Variants in ADARB1 observed in about 807,000 individuals in gnomAD.
The protein encoded by ADARB1 is adenosine deaminase RNA specific B1.
A neutral mutation model predicts 52.4 loss-of-function variants in ADARB1; 10 were observed. The ratio of observed to expected loss-of-function variants is 0.19; its 90% CI spans 0.12 to 0.32. The LOEUF is 0.32. Among genes scored for constraint, ADARB1 ranks in the 10% least tolerant of loss-of-function variants. ADARB1 has a pLI of 1.00. For missense variants in ADARB1, 643 were observed against 922.3 expected, an observed-to-expected ratio of 0.70 and a Z score of 3.92; for synonymous variants, 349 against 371.1, an observed-to-expected ratio of 0.94 and a Z score of 0.68.
At chr21:45,201,469 A>G (rs185029293) in intron 8 of ADARB1, among the ~76,000 whole-genome samples, 68 of 152,368 alleles carry the variant, frequency 4.5e-4, no homozygotes, top group Non-Finnish European at 7.8e-4. Flanking sequence ...CTGAGTCCAT[A>G]GAGGCTTCTA....
At chr21:45,139,420 A>AT (rs1348133554) in intron 2 of ADARB1, among the ~76,000 whole-genome samples, 2 of 151,692 alleles carry the variant, frequency 1.3e-5, no homozygotes, top group African/African-American at 2.4e-5. Context: ...GATTTCCTTG[A>AT]TTTTTTTGGT....
intron 9 of ADARB1, among the ~76,000 whole-genome samples, chr21:45,205,450 G>A (rs1235401233): frequency 6.6e-6 from 1 of 152,140 alleles, no homozygotes; most frequent in Admixed American, 6.5e-5. Flanking sequence ...CCAGGTCTCC[G>A]GGACGTTTAC....
chr21:45,167,902 A>C (rs1428483034), intron 2 of ADARB1, among the ~76,000 whole-genome samples: 2 of 152,172 alleles, frequency 1.3e-5, no homozygotes, highest in Non-Finnish European at 2.9e-5. Flanking sequence ...ATTTTTAAGA[A>C]ACTGCCAAAC....
chr21:45,129,903 G>C (rs528409231), intron 2 of ADARB1, among the ~76,000 whole-genome samples: 1 of 152,196 alleles, frequency 6.6e-6, no homozygotes, highest in Non-Finnish European at 1.5e-5. Context: ...TCAGGTAACT[G>C]GTTCCCTAGC....
chr21:45,146,782 G>A (rs535874312), intron 2 of ADARB1, among the ~76,000 whole-genome samples: 16 of 152,294 alleles, frequency 1.1e-4, no homozygotes, highest in African/African-American at 3.6e-4. Context: ...AAAGAATCCA[G>A]AGCTCAGACA....
intron 8 of ADARB1, among the ~76,000 whole-genome samples, chr21:45,202,572 T>C (rs1601943517): frequency 6.6e-6 from 1 of 152,114 alleles, no homozygotes. Flanking sequence ...TGGAGGCTGG[T>C]TCCAGTCTGG....
At chr21:45,162,843 C>G (rs2091047331) in intron 2 of ADARB1, among the ~76,000 whole-genome samples, 1 of 152,056 alleles carries the variant, frequency 6.6e-6, no homozygotes, top group African/African-American at 2.4e-5. Context: ...GCTCAAAGGC[C>G]TGAAACAGGC....
At chr21:45,210,490 T>G (rs1284277305) in intron 9 of ADARB1, among the ~76,000 whole-genome samples, 1 of 152,164 alleles carries the variant, frequency 6.6e-6, no homozygotes, top group Non-Finnish European at 1.5e-5. Flanking sequence ...CTTTTGAAGG[T>G]TTTTAAAAAT....
At chr21:45,123,494 G>A (rs540908348) in intron 1 of ADARB1, among the ~76,000 whole-genome samples, 83 of 152,246 alleles carry the variant, frequency 5.5e-4, no homozygotes, top group African/African-American at 2.0e-3. Flanking sequence ...TTATAGAGAT[G>A]GTGTCTCCCT....
At position 45,176,748 on chromosome 21, in the gene ADARB1, T is replaced by C; in HGVS notation, c.963+84T>C. On this transcript the variant is annotated intron_variant, in intron 4 of 10. Transcript: ENST00000348831. This position sits in a 1 kb window ranked among gnomAD's most constrained non-coding sequence, Gnocchi z 5.8. The stretch of plus-strand genomic sequence containing the variant: ...GACAGCATTTTAGTTTCAGGATTAC[T>C]GTTGACTTTCCACCTTGACATCACT... The C allele has an allele frequency of 7.2e-7, 1 of 1,391,068 alleles. No individual in the cohort carries two copies. Among genetic ancestry groups the C allele is most frequent in the Non-Finnish European group, 9.7e-7 (1 of 1,030,778 alleles). 86.2% of individuals were successfully genotyped at this position (1,391,068 alleles called of 1,614,324 possible). A position where few individuals can be genotyped will look rare whatever the true frequency, so the allele number is the denominator to read the frequency against.
intron 2 of ADARB1, among the ~76,000 whole-genome samples, chr21:45,166,202 T>G (rs2091249633): frequency 6.6e-6 from 1 of 152,230 alleles, no homozygotes; most frequent in Non-Finnish European, 1.5e-5. Flanking sequence ...TATATTTATA[T>G]ATATTGTTTA....
chr21:45,126,477 T>C (rs73230680), intron 1 of ADARB1, among the ~76,000 whole-genome samples: 2,793 of 152,294 alleles, frequency 0.018, 35 homozygotes, highest in South Asian at 0.053. Context: ...GCCCCTACTG[T>C]GATCTTAGTC....
rs1441994927 is a variant in ADARB1, at chr21:45,208,850, T to C, written c.1747+4114T>C. On this transcript the variant is annotated intron_variant, in intron 9 of 10. Transcript: ENST00000348831. The surrounding 1 kb of genome is among the most constrained non-coding windows in gnomAD (Gnocchi z 5.6). Reference sequence around the variant, plus strand: ...GTTTCTAGGAGGAGTGAACGTGCCATGAGTCATTGTAGAAGAGAACGACCA... The same window carrying C: ...GTTTCTAGGAGGAGTGAACGTGCCACGAGTCATTGTAGAAGAGAACGACCA... Among the ~76,000 whole-genome samples the C allele has an allele frequency of 6.6e-6, 1 of 152,138 alleles. No individual in the cohort carries two copies. The highest frequency in any genetic ancestry group is 1.5e-5 in the Non-Finnish European group (1 of 68,032).
intron 2 of ADARB1, among the ~76,000 whole-genome samples, chr21:45,170,951 G>A (rs1251696831): frequency 1.3e-5 from 2 of 152,190 alleles, no homozygotes; most frequent in Non-Finnish European, 2.9e-5. Flanking sequence ...AAATTAGATT[G>A]AATTTTAGCA....
At chr21:45,156,618 CTCACCCA>C (rs1232282582) in intron 2 of ADARB1, among the ~76,000 whole-genome samples, 2 of 147,566 alleles carry the variant, frequency 1.4e-5, no homozygotes, top group African/African-American at 5.0e-5. Flanking sequence ...CACCCACCCA[CTCACCCA>C]TCACCCATCA....
Position 45,084,334 on chromosome 21 carries a change from G to A in ADARB1, c.-220+9541G>A, listed in dbSNP as rs554218751. Among the ~76,000 whole-genome samples the A allele has an allele frequency of 2.6e-5, 4 of 152,352 alleles. No individual in the cohort carries two copies. In the East Asian group the frequency reaches 5.8e-4, roughly 22 times the overall value. ...CTGCCATGGCTGCCGAGGCTCACGC[G>A]AGGCTGGCACTTGGCAGAGAGTCCT... is the stretch of plus-strand genomic sequence containing the variant. On this transcript the variant is annotated intron_variant, in intron 1 of 10. Transcript: ENST00000348831.
chr21:45,085,830 A>T (rs566498635), intron 1 of ADARB1, among the ~76,000 whole-genome samples: 1 of 152,238 alleles, frequency 6.6e-6, no homozygotes, highest in South Asian at 2.1e-4. Flanking sequence ...CTGGTGTCAC[A>T]TGAACCTAAA....
chr21:45,179,305 A>G (rs2091833129), intron 4 of ADARB1, among the ~76,000 whole-genome samples: 1 of 152,220 alleles, frequency 6.6e-6, no homozygotes, highest in Admixed American at 6.5e-5. Context: ...TTGCTGGTGC[A>G]ATGATAAGAG....
At chr21:45,106,873 A>G (rs2087282753) in intron 1 of ADARB1, among the ~76,000 whole-genome samples, 1 of 152,208 alleles carries the variant, frequency 6.6e-6, no homozygotes, top group Admixed American at 6.5e-5. Flanking sequence ...AGGCTGCACA[A>G]AGCACAGATG....
Sources: gnomAD v4.1 joint callset for allele counts (sites outside exome capture counted in the v4.1 genomes callset) on GRCh38, gnomAD v4.1.1 for gene constraint, Gnocchi (gnomAD v3.1) non-coding constraint, MANE v1.5 for transcripts, NCBI Gene and HGNC (gene_info 2026-07-23, HGNC 2026-07-21) for gene names.